CACNA1B: variants seen among roughly 807,000 people sequenced by gnomAD.
The protein encoded by CACNA1B is calcium voltage-gated channel subunit alpha1 B.
CACNA1B carries 70 observed loss-of-function variants against 247.2 expected under a neutral mutation model. That is an observed-to-expected ratio of 0.28 (90% CI 0.23 to 0.35). CACNA1B has a LOEUF of 0.35. CACNA1B is among the 10% of genes least tolerant of loss of function. The pLI is 1.00. For missense variants in CACNA1B, 2,367 were observed against 3,197.4 expected, an observed-to-expected ratio of 0.74 and a Z score of 6.26; for synonymous variants, 1,231 against 1,294.4, an observed-to-expected ratio of 0.95 and a Z score of 1.05.
At position 137,907,242 on chromosome 9, in the gene CACNA1B, A is replaced by AT. The variant is rs1957309748; in HGVS notation, c.531-5936dup. The stretch of plus-strand genomic sequence containing the variant: ...TAGGCTTATTTAGTTTTACATGCTC[A>AT]TTCATTTTTAACTGTGGAATAATAT... On this transcript the variant is annotated intron_variant, in intron 3 of 46. Transcript: ENST00000371372. 2.0e-5 allele frequency among the ~76,000 whole-genome samples: 3 copies of AT among 152,184 alleles called. 1 individual carries two copies.
chr9:138,059,770 C>A lies in CACNA1B; in HGVS notation c.4668+33C>A. ...GCATTTCTGTCCCTCCTTCAGGGTCCCCAGGTGGTTTCCTTCTAGAGCCTG... is the reference window on the plus strand; with the variant it reads ...GCATTTCTGTCCCTCCTTCAGGGTCACCAGGTGGTTTCCTTCTAGAGCCTG... On this transcript the variant is annotated intron_variant, in intron 31 of 46. Coordinates refer to ENST00000371372, the MANE Select transcript of CACNA1B (RefSeq NM_000718.4). The surrounding 1 kb of genome is among the most constrained non-coding windows in gnomAD (Gnocchi z 4.2). The A allele has an allele frequency of 5.3e-6, 7 of 1,317,408 alleles. No individual in the cohort carries two copies. The highest frequency in any genetic ancestry group is 7.7e-6 in the Non-Finnish European group (7 of 909,814). The allele number at this position is 1,317,408 out of a possible 1,614,324, so 81.6% of individuals were successfully genotyped here.
Position 137,948,822 on chromosome 9 carries a change from G to GGT in CACNA1B, c.967-3446_967-3445dup, listed in dbSNP as rs988112974. On this transcript the variant is annotated intron_variant, in intron 6 of 46. Coordinates refer to ENST00000371372, the MANE Select transcript of CACNA1B (RefSeq NM_000718.4). ...GTGTGTGGTGTGTGCATGTGTGTGT[G>GGT]GTGTGTGCACTTGTGTCTAGTGTGT... Among the ~76,000 whole-genome samples, 134 of 142,114 alleles carry GGT rather than the reference G, an allele frequency of 9.4e-4. 1 individual carries two copies. Among genetic ancestry groups the GGT allele is most frequent in the East Asian group, 6.6e-4 (3 of 4,538 alleles). 93.2% of individuals were successfully genotyped at this position (142,114 alleles called of 152,430 possible).
At chr9:138,093,004 A>G (rs1030973991) in intron 36 of CACNA1B, among the ~76,000 whole-genome samples, 2 of 152,238 alleles carry the variant, frequency 1.3e-5, no homozygotes, top group Admixed American at 6.5e-5. Flanking sequence ...ACAATGACCA[A>G]TAAGCACATG....
At chr9:137,985,212 T>G (rs1360962520) in intron 13 of CACNA1B, among the ~76,000 whole-genome samples, 1 of 152,234 alleles carries the variant, frequency 6.6e-6, no homozygotes, top group Non-Finnish European at 1.5e-5. Context: ...CAATCCATTT[T>G]AAATCCAAAC....
intron 3 of CACNA1B, among the ~76,000 whole-genome samples, chr9:137,885,270 C>A (rs138618211): frequency 6.6e-6 from 1 of 151,992 alleles, no homozygotes; most frequent in Non-Finnish European, 1.5e-5. Flanking sequence ...CGGGAGGGAG[C>A]CGCTTTGCTG....
chr9:137,929,670 T>G (rs1272708038), intron 6 of CACNA1B, among the ~76,000 whole-genome samples: 1 of 152,180 alleles, frequency 6.6e-6, no homozygotes, highest in Non-Finnish European at 1.5e-5. Context: ...TTTTTATTTT[T>G]GGGACAGGGT....
At chr9:137,938,838 C>T (rs111281340) in intron 6 of CACNA1B, among the ~76,000 whole-genome samples, 7,864 of 152,120 alleles carry the variant, frequency 0.052, 302 homozygotes, top group South Asian at 0.098. Context: ...TTTGGGAGGC[C>T]GAGGTGGATG....
intron 12 of CACNA1B, among the ~76,000 whole-genome samples, chr9:137,977,718 CT>C (rs1356487473): frequency 6.6e-6 from 1 of 152,126 alleles, no homozygotes; most frequent in South Asian, 2.1e-4. Context: ...ACGCCGCCCC[CT>C]GAGGGAGGAG....
intron 44 of CACNA1B, 57 bp from the exon 45 acceptor site, chr9:138,120,108 G>A: frequency 7.0e-7 from 1 of 1,426,272 alleles, no homozygotes; most frequent in South Asian, 1.3e-5. Context: ...TTCCATGCCT[G>A]CATTCCCGCT....
intron 15 of CACNA1B, among the ~76,000 whole-genome samples, chr9:137,987,594 C>T (rs1046003041): frequency 3.9e-5 from 6 of 152,196 alleles, no homozygotes; most frequent in African/African-American, 1.2e-4. Flanking sequence ...TTGCTGCAGG[C>T]CAGGGGCTTG....
Position 137,913,157 on chromosome 9 carries a change from C to T in CACNA1B, c.531-23C>T. On this transcript the variant is annotated intron_variant, in intron 3 of 46. Coordinates refer to ENST00000371372, the MANE Select transcript of CACNA1B (RefSeq NM_000718.4). The surrounding 1 kb of genome is among the most constrained non-coding windows in gnomAD (Gnocchi z 5.2). ...GCTCAATGTGGAAACCTTTACTTCC[C>T]TTCTTCTCCTTGTTTCTGCCAGGAT... 4 of 1,603,514 alleles carry T rather than the reference C, an allele frequency of 2.5e-6. No homozygotes were observed. The highest frequency in any genetic ancestry group is 1.3e-5 in the African/African-American group (1 of 74,756).
intron 20 of CACNA1B, chr9:138,040,441 T>C (rs912871030): frequency 1.3e-5 from 2 of 157,578 alleles, no homozygotes; most frequent in Admixed American, 1.3e-4. Context: ...ACAGAACTAA[T>C]AGGATATATA....
At chr9:138,116,731 C>A (rs1036364334) in intron 42 of CACNA1B, among the ~76,000 whole-genome samples, 1 of 152,208 alleles carries the variant, frequency 6.6e-6, no homozygotes, top group Non-Finnish European at 1.5e-5. Flanking sequence ...GGGTTGAGCA[C>A]ACCTCTGGCC....
At position 137,971,875 on chromosome 9, in the gene CACNA1B, G is replaced by A. The variant is rs183735208; in HGVS notation, c.1543+283G>A. Among the ~76,000 whole-genome samples the A allele has an allele frequency of 9.2e-5, 14 of 152,268 alleles. No individual in the cohort carries two copies. Among genetic ancestry groups the A allele is most frequent in the Admixed American group, 7.8e-4 (12 of 15,300 alleles). ...GTGTGAGACTGGTTGAGGGGTCCGA[G>A]GCACCCAGGGCAGGATATATGTGGG... On this transcript the variant is annotated intron_variant, in intron 11 of 46. Transcript: ENST00000371372. The surrounding 1 kb of genome is among the most constrained non-coding windows in gnomAD (Gnocchi z 4.4).
chr9:137,882,202 C>T lies in CACNA1B; in HGVS notation c.391-542C>T, dbSNP rs780974338. On this transcript the variant is annotated intron_variant, in intron 2 of 46. Coordinates refer to ENST00000371372, the MANE Select transcript of CACNA1B (RefSeq NM_000718.4). This position sits in a 1 kb window ranked among gnomAD's most constrained non-coding sequence, Gnocchi z 4.0. The stretch of plus-strand genomic sequence containing the variant: ...CAAGAAAGCCTGAGCTGTATCCAGG[C>T]AACCTTGTGCAGGTTCCCACCCAGA... Among the ~76,000 whole-genome samples, 8 of 152,236 alleles carry T rather than the reference C, an allele frequency of 5.3e-5. No individual in the cohort carries two copies. The highest frequency in any genetic ancestry group is 6.3e-3 in the Middle Eastern group (2 of 316).
intron 16 of CACNA1B, among the ~76,000 whole-genome samples, chr9:138,008,297 T>C (rs901540604): frequency 6.6e-6 from 1 of 152,232 alleles, no homozygotes; most frequent in Non-Finnish European, 1.5e-5. Context: ...CAGCTGAGTC[T>C]GACCCTGACA....
rs1400356066 is a variant in CACNA1B at position 137,914,576 on chromosome 9, G to A, written c.623-78G>A. ...TTGCTGTCCCTGCTAGGTTCCTGCT[G>A]TTCTGTCCCTGCCCCCACCAAATTC... On this transcript the variant is annotated intron_variant, in intron 4 of 46. Coordinates refer to ENST00000371372, the MANE Select transcript of CACNA1B (RefSeq NM_000718.4). The surrounding 1 kb of genome is among the most constrained non-coding windows in gnomAD (Gnocchi z 4.3). 2.4e-6 allele frequency: 3 copies of A among 1,246,868 alleles called. No homozygotes were observed. Among genetic ancestry groups the A allele is most frequent in the African/African-American group, 2.9e-5 (2 of 68,008 alleles). 77.2% of individuals were successfully genotyped at this position (1,246,868 alleles called of 1,614,324 possible).
Position 138,014,031 on chromosome 9 carries a change from C to T in CACNA1B, c.2267+796C>T, listed in dbSNP as rs562821561. Among the ~76,000 whole-genome samples the T allele has an allele frequency of 1.3e-5, 2 of 152,404 alleles. No homozygotes were observed. Among genetic ancestry groups the T allele is most frequent in the East Asian group, 3.9e-4 (2 of 5,192 alleles). Reference sequence around the variant, plus strand: ...TGCTGATGGGCGGGCCCCAGCTCTTCAGCCGGCCACCCGCCCTGCCGTGAA... The same window carrying T: ...TGCTGATGGGCGGGCCCCAGCTCTTTAGCCGGCCACCCGCCCTGCCGTGAA... On this transcript the variant is annotated intron_variant, in intron 18 of 46. Coordinates refer to ENST00000371372, the MANE Select transcript of CACNA1B (RefSeq NM_000718.4). The surrounding 1 kb of genome is among the most constrained non-coding windows in gnomAD (Gnocchi z 6.2).
At position 137,915,551 on chromosome 9, in the gene CACNA1B, C is replaced by T. The variant is rs922938480; in HGVS notation, c.775+745C>T. Among the ~76,000 whole-genome samples, 21 of 152,066 alleles carry T rather than the reference C, an allele frequency of 1.4e-4. No homozygotes were observed. In the East Asian group the frequency reaches 2.1e-3, roughly 15 times the overall value. On this transcript the variant is annotated intron_variant, in intron 5 of 46. Coordinates refer to ENST00000371372, the MANE Select transcript of CACNA1B (RefSeq NM_000718.4). ...AACTTAGTAAAGGAGAAAACCCAGC[C>T]GGCGGTGGCTCACCTATAGTCCCAG...
Sources: allele counts gnomAD v4.1 joint callset (sites outside exome capture counted in the v4.1 genomes callset), GRCh38; gene constraint gnomAD v4.1.1; non-coding constraint Gnocchi (gnomAD v3.1); transcripts MANE v1.5; gene names NCBI Gene and HGNC (gene_info 2026-07-23, HGNC 2026-07-21).